Variants in MAP3K7CL observed in about 807,000 individuals in gnomAD.
MAP3K7CL encodes the protein MAP3K7 C-terminal like, also known as MAP3K7 C-terminal-like protein.
Under a neutral mutation model 18.6 loss-of-function variants are expected in MAP3K7CL, and 16 were observed. That is an observed-to-expected ratio of 0.86 (90% CI 0.58 to 1.31). The LOEUF is 1.31. Among genes scored for constraint, MAP3K7CL ranks in the 50% most tolerant of loss-of-function variants. MAP3K7CL has a pLI of 0.00. For missense variants in MAP3K7CL, 163 were observed against 174.4 expected, an observed-to-expected ratio of 0.93 and a Z score of 0.37; for synonymous variants, 65 against 66.8, an observed-to-expected ratio of 0.97 and a Z score of 0.13.
At chr21:29,139,947 A>T (rs943909976) in intron 2 of MAP3K7CL, among the ~76,000 whole-genome samples, 2 of 135,404 alleles carry the variant, frequency 1.5e-5, no homozygotes, top group African/African-American at 5.8e-5. Flanking sequence ...ACTCTGTAGG[A>T]AGTCAAGGGA....
chr21:29,128,336 T>C (rs1460905302), upstream of MAP3K7CL: 1 of 151,232 alleles, frequency 6.6e-6, no homozygotes, highest in Non-Finnish European at 1.5e-5. Flanking sequence ...GGAGTCTCAC[T>C]CTGTCGCCCA....
intron 4 of MAP3K7CL, among the ~76,000 whole-genome samples, chr21:29,098,138 T>C (rs1421245947): frequency 6.6e-6 from 1 of 152,174 alleles, no homozygotes; most frequent in Non-Finnish European, 1.5e-5. Flanking sequence ...TCTAGGACAT[T>C]TCCATTATCA....
At chr21:29,100,768 A>G (rs2086214951) in intron 4 of MAP3K7CL, among the ~76,000 whole-genome samples, 1 of 129,564 alleles carries the variant, frequency 7.7e-6, no homozygotes, top group Non-Finnish European at 1.5e-5. Flanking sequence ...GCTGGAGTGC[A>G]ATGGCACGAT....
intron 1 of MAP3K7CL, among the ~76,000 whole-genome samples, chr21:29,079,054 A>G (rs1339480306): frequency 6.6e-6 from 1 of 152,202 alleles, no homozygotes; most frequent in Non-Finnish European, 1.5e-5. Flanking sequence ...TGGAGATTGC[A>G]ATGCGAGTTG....
chr21:29,132,832 T>G (rs949588314), intron 1 of MAP3K7CL, among the ~76,000 whole-genome samples: 1 of 152,176 alleles, frequency 6.6e-6, no homozygotes, highest in African/African-American at 2.4e-5. Context: ...CTTTAAATGA[T>G]TCCATGAAAC....
chr21:29,154,352 T>C (rs1181892678), intron 3 of MAP3K7CL, among the ~76,000 whole-genome samples: 1 of 152,084 alleles, frequency 6.6e-6, no homozygotes, highest in Non-Finnish European at 1.5e-5. Context: ...TGATGCCCTC[T>C]TCTTTTCATT....
At position 29,087,589 on chromosome 21, in the gene MAP3K7CL, C is replaced by CTTTTT. The variant is rs56775764; in HGVS notation, c.57+1690_57+1694dup. On this transcript the variant is annotated intron_variant, in intron 1 of 6. Transcript: ENST00000286791. ...TAAATCTAATGCTCATTTTCTTTTT[C>CTTTTT]TTTTTTTTTTTTTTTTTTTTTTGAG... Among the ~76,000 whole-genome samples, 130 of 104,230 alleles carry CTTTTT rather than the reference C, an allele frequency of 1.2e-3. 1 individual carries two copies. Among genetic ancestry groups the CTTTTT allele is most frequent in the Admixed American group, 1.5e-3 (14 of 9,184 alleles). 68.4% of individuals were successfully genotyped at this position (104,230 alleles called of 152,430 possible). A position where few individuals can be genotyped will look rare whatever the true frequency, so the allele number is the denominator to read the frequency against.
intron 4 of MAP3K7CL, among the ~76,000 whole-genome samples, chr21:29,167,290 G>T (rs1454165904): frequency 6.6e-6 from 1 of 152,120 alleles, no homozygotes; most frequent in Admixed American, 6.5e-5. Context: ...ATTTTAGTGT[G>T]TTCAGGCAAA....
intron 1 of MAP3K7CL, among the ~76,000 whole-genome samples, chr21:29,132,290 T>C (rs2086794074): frequency 7.1e-6 from 1 of 141,328 alleles, no homozygotes; most frequent in African/African-American, 2.6e-5. Flanking sequence ...ATCTGCAGGA[T>C]GTTTTTTTTC....
At chr21:29,099,946 G>A (rs1292878606) in intron 4 of MAP3K7CL, among the ~76,000 whole-genome samples, 2 of 152,050 alleles carry the variant, frequency 1.3e-5, no homozygotes, top group African/African-American at 2.4e-5. Flanking sequence ...AGCCGGGCGT[G>A]GTGGCGGGCG....
intron 4 of MAP3K7CL, among the ~76,000 whole-genome samples, chr21:29,094,212 A>T (rs28710039): frequency 0.3 from 45,274 of 152,132 alleles, 6,974 homozygotes; most frequent in African/African-American, 0.37. Flanking sequence ...GCCAGAGGCT[A>T]GCCTAAACAT....
chr21:29,081,979 A>C (rs1441952847), upstream of MAP3K7CL, among the ~76,000 whole-genome samples: 1 of 152,214 alleles, frequency 6.6e-6, no homozygotes, highest in African/African-American at 2.4e-5. Context: ...TCTTATGTAG[A>C]ATTTGCATCT....
intron 4 of MAP3K7CL, among the ~76,000 whole-genome samples, chr21:29,107,555 T>A (rs1377453867): frequency 6.6e-6 from 1 of 152,140 alleles, no homozygotes; most frequent in East Asian, 1.9e-4. Context: ...TCTGGGGAAG[T>A]CTAATGAGAG....
Position 29,092,966 on chromosome 21 carries a change from C to T in MAP3K7CL, c.370+385C>T, listed in dbSNP as rs145050674. Reference sequence around the variant, plus strand: ...TCACCCAGGCTGGAGTGCAGTGGCACGATCTCAGCTCACTGCCACCTCCAC... The same window carrying T: ...TCACCCAGGCTGGAGTGCAGTGGCATGATCTCAGCTCACTGCCACCTCCAC... On this transcript the variant is annotated intron_variant, in intron 4 of 6. Transcript: ENST00000286791. 7.6e-3 allele frequency among the ~76,000 whole-genome samples: 1,161 copies of T among 151,970 alleles called. 21 individuals are homozygous for T. The highest frequency in any genetic ancestry group is 0.027 in the African/African-American group (1,113 of 41,414).
At chr21:29,138,027 G>A (rs767927101) in intron 2 of MAP3K7CL, among the ~76,000 whole-genome samples, 1 of 152,142 alleles carries the variant, frequency 6.6e-6, no homozygotes, top group Non-Finnish European at 1.5e-5. Context: ...TGAAAGAAGG[G>A]TTGAAAGGAC....
upstream of MAP3K7CL, among the ~76,000 whole-genome samples, chr21:29,082,590 A>T (rs1472004674): frequency 1.3e-5 from 2 of 152,176 alleles, no homozygotes; most frequent in African/African-American, 2.4e-5. Flanking sequence ...AGAGGGTGCC[A>T]AGGGAGCAAG....
Position 29,152,301 on chromosome 21 carries a change from G to A in MAP3K7CL, c.132+3051G>A, listed in dbSNP as rs114834990. ...ATTTTTATTTCTATACTTAGCGTAA[G>A]CATATACATTTAAGCCTTCTGTTGC... On this transcript the variant is annotated intron_variant, in intron 3 of 4. Transcript: ENST00000399928. Among the ~76,000 whole-genome samples the A allele has an allele frequency of 1.1e-3, 164 of 152,316 alleles. 1 individual carries two copies. The highest frequency in any genetic ancestry group is 3.6e-3 in the African/African-American group (150 of 41,570).
rs566350546 is a variant in MAP3K7CL at position 29,119,054 on chromosome 21, A to G, written c.370+26473A>G. 4.6e-5 allele frequency among the ~76,000 whole-genome samples: 7 copies of G among 152,242 alleles called. No homozygotes were observed. In the South Asian group the frequency reaches 1.2e-3, roughly 27 times the overall value. ...CTTTTACCAGTCTCGGCCATTATCT[A>G]TTGGCTTCTCCCCATGGAGGATGAG... is the stretch of plus-strand genomic sequence containing the variant. On this transcript the variant is annotated intron_variant, in intron 4 of 6. Coordinates refer to the MAP3K7CL transcript ENST00000286791.
At chr21:29,086,642 A>G (rs2085930144) in intron 1 of MAP3K7CL, among the ~76,000 whole-genome samples, 1 of 152,236 alleles carries the variant, frequency 6.6e-6, no homozygotes, top group African/African-American at 2.4e-5. Flanking sequence ...GAGAATGATA[A>G]TGATGGCAAG....
Sources: allele counts gnomAD v4.1 joint callset (sites outside exome capture counted in the v4.1 genomes callset), GRCh38; gene constraint gnomAD v4.1.1; transcripts MANE v1.5; gene names NCBI Gene and HGNC (gene_info 2026-07-23, HGNC 2026-07-21).